STRADB: variants seen among roughly 807,000 people sequenced by gnomAD.
The protein encoded by STRADB is STE20 related adaptor beta.
In STRADB, 34 loss-of-function variants were observed where a neutral mutation model predicts 52.1. The observed-to-expected ratio is 0.65, with a 90% CI of 0.50 to 0.87. STRADB has a LOEUF of 0.87. Among genes scored for constraint, STRADB ranks in the 40% least tolerant of loss-of-function variants. STRADB has a pLI of 0.00. For missense variants in STRADB, 340 were observed against 483.9 expected (o/e 0.70, Z 2.79); for synonymous variants, 133 against 174.5 (o/e 0.76, Z 1.87).
At chr2:201,472,918 C>T (rs758488024) in intron 4 of STRADB, 37 bp from the exon 5 acceptor site, 20 of 1,519,164 alleles carry the variant, frequency 1.3e-5, no homozygotes, top group Admixed American at 8.7e-5. Context: ...TTTTTTTCTT[C>T]TTTGGTTACT....
intron 3 of STRADB, among the ~76,000 whole-genome samples, chr2:201,459,584 G>A (rs1327005081): frequency 1.3e-5 from 2 of 152,096 alleles, no homozygotes; most frequent in African/African-American, 4.8e-5. Context: ...CATGAGCACT[G>A]CTACTGCTCA....
At chr2:201,458,506 T>C (rs942761211) in intron 2 of STRADB, among the ~76,000 whole-genome samples, 2 of 152,158 alleles carry the variant, frequency 1.3e-5, no homozygotes, top group African/African-American at 4.8e-5. Flanking sequence ...ACAGTTAAAA[T>C]GAATTATTAT....
chr2:201,479,940 T>G, intron 11 of STRADB, 92 bp from the exon 12 acceptor site: 1 of 1,480,868 alleles, frequency 6.8e-7, no homozygotes, highest in Non-Finnish European at 9.4e-7. Flanking sequence ...TTAAACACAT[T>G]TAACATAAAT....
chr2:201,455,211 CAG>C (rs1488016195), intron 2 of STRADB, among the ~76,000 whole-genome samples: 2 of 152,068 alleles, frequency 1.3e-5, no homozygotes, highest in Non-Finnish European at 2.9e-5. Context: ...GCAAGCCAAA[CAG>C]TATTAAAAAT....
chr2:201,471,062 C>T (rs1366230649), intron 4 of STRADB, among the ~76,000 whole-genome samples: 3 of 152,150 alleles, frequency 2.0e-5, no homozygotes, highest in Non-Finnish European at 4.4e-5. Context: ...CTCCGTACTC[C>T]AGTTGGCCAA....
chr2:201,473,560 G>A (rs1370873629), intron 5 of STRADB, among the ~76,000 whole-genome samples: 1 of 152,126 alleles, frequency 6.6e-6, no homozygotes, highest in East Asian at 1.9e-4. Context: ...TTACAGAATT[G>A]GAAAGAATAC....
chr2:201,454,688 C>T, intron 1 of STRADB, 58 bp from the exon 2 acceptor site: 1 of 656,806 alleles, frequency 1.5e-6, no homozygotes, highest in South Asian at 2.6e-5. Flanking sequence ...TTTAAGGCAA[C>T]TGGTTCTTTA....
chr2:201,457,852 C>G (rs1220171306), intron 2 of STRADB, among the ~76,000 whole-genome samples: 1 of 152,036 alleles, frequency 6.6e-6, no homozygotes, highest in African/African-American at 2.4e-5. Flanking sequence ...GGTGAAATCC[C>G]ATCTCTACTA....
In STRADB at chr2:201,480,561, C is replaced by G. The variant is rs1395514854; in HGVS notation, c.*386C>G. The G allele has an allele frequency of 9.9e-7, 1 of 1,006,090 alleles. No individual in the cohort carries two copies. Among genetic ancestry groups the G allele is most frequent in the Admixed American group, 5.3e-5 (1 of 18,834 alleles). The allele number at this position is 1,006,090 out of a possible 1,614,324, so 62.3% of individuals were successfully genotyped here. ...GTACATCTTCTCCCAGATTCTCTGG[C>G]CTTTTTAATGAGCTATTGTTAAACC... On this transcript the variant is annotated 3_prime_UTR_variant, in exon 12 of 12. Transcript: ENST00000194530.
At chr2:201,457,678 C>T (rs1243865697) in intron 2 of STRADB, among the ~76,000 whole-genome samples, 1 of 152,190 alleles carries the variant, frequency 6.6e-6, no homozygotes, top group Admixed American at 6.5e-5. Flanking sequence ...TTAAGAGACT[C>T]ATTTGATATT....
Position 201,458,882 on chromosome 2 carries a change from C to T in STRADB, c.93+18C>T. The T allele has an allele frequency of 6.2e-7, 1 of 1,606,582 alleles. No homozygotes were observed. Among genetic ancestry groups the T allele is most frequent in the Non-Finnish European group, 8.5e-7 (1 of 1,174,398 alleles). On this transcript the variant is annotated intron_variant, in intron 3 of 11. Transcript: ENST00000194530. ...AATACTTGGTAAGAAAATGGTTAGG[C>T]TGGATGCAGTGGTTCACACCTGTAA... is the stretch of plus-strand genomic sequence containing the variant.
At chr2:201,470,510 T>C (rs1247120893) in intron 4 of STRADB, among the ~76,000 whole-genome samples, 1 of 152,254 alleles carries the variant, frequency 6.6e-6, no homozygotes, top group Non-Finnish European at 1.5e-5. Flanking sequence ...TAGCTTTACA[T>C]ATGTGAAACA....
intron 3 of STRADB, among the ~76,000 whole-genome samples, chr2:201,460,560 C>T (rs1952197880): frequency 6.6e-6 from 1 of 152,090 alleles, no homozygotes; most frequent in Non-Finnish European, 1.5e-5. Context: ...TATTCTCTAT[C>T]TCCATGAGTT....
intron 3 of STRADB, among the ~76,000 whole-genome samples, chr2:201,463,859 A>G (rs1339899650): frequency 1.3e-5 from 2 of 151,810 alleles, no homozygotes; most frequent in Non-Finnish European, 2.9e-5. Flanking sequence ...CTGCTTGATC[A>G]GTTTTGCTAT....
chr2:201,471,832 A>C (rs1952394523), intron 4 of STRADB, among the ~76,000 whole-genome samples: 1 of 152,190 alleles, frequency 6.6e-6, no homozygotes, highest in Non-Finnish European at 1.5e-5. Flanking sequence ...GGCATTTTGC[A>C]GTAGTTCCCT....
Position 201,480,134 on chromosome 2 carries a change from T to G in STRADB, c.1216T>G (p.Cys406Gly). The G allele has an allele frequency of 1.2e-6, 2 of 1,613,850 alleles. No individual in the cohort carries two copies. The highest frequency in any genetic ancestry group is 1.7e-6 in the Non-Finnish European group (2 of 1,179,788). ...PPVLPWTEPE[C>G]DFPDEKDSYW... is the part of the protein sequence containing the mutation. ...AGTGTTACCTTGGACTGAGCCAGAA[T>G]GTGATTTTCCTGATGAAAAAGACTC... The change falls in exon 12 of 12, where the codon TGT (cysteine) becomes GGT (glycine). Residue 406 changes from cysteine (C) to glycine (G), a missense_variant. Coordinates refer to ENST00000194530, the MANE Select transcript of STRADB (RefSeq NM_018571.6).
intron 6 of STRADB, among the ~76,000 whole-genome samples, chr2:201,475,035 T>A (rs1342807389): frequency 2.0e-5 from 3 of 152,216 alleles, no homozygotes; most frequent in Non-Finnish European, 4.4e-5. Context: ...CCTCTTTTAA[T>A]GGAGACCTAC....
At chr2:201,473,907 T>TTC (rs1368782551) in intron 5 of STRADB, among the ~76,000 whole-genome samples, 9 of 150,194 alleles carry the variant, frequency 6.0e-5, no homozygotes, top group African/African-American at 2.2e-4. Context: ...TTTTTTTTTT[T>TTC]CGAGACGGAG....
chr2:201,479,436 A>G (rs546055759), intron 10 of STRADB, 53 bp from the exon 11 acceptor site: 1 of 1,496,308 alleles, frequency 6.7e-7, no homozygotes, highest in East Asian at 2.3e-5. Context: ...TACACCTGAA[A>G]TCTACATTCT....
Sources: gnomAD v4.1 joint callset for allele counts (sites outside exome capture counted in the v4.1 genomes callset) on GRCh38, gnomAD v4.1.1 for gene constraint, MANE v1.5 for transcripts, NCBI Gene and HGNC (gene_info 2026-07-23, HGNC 2026-07-21) for gene names.